Variants in HEBP1 observed in about 807,000 individuals in gnomAD.
HEBP1 encodes the protein heme binding protein 1.
Under a neutral mutation model 20.4 loss-of-function variants are expected in HEBP1, and 13 were observed. That is an observed-to-expected ratio of 0.64 (90% confidence interval 0.42 to 1.01). The LOEUF is 1.01. Among genes scored for constraint, HEBP1 ranks in the 50% least tolerant of loss-of-function variants. The pLI is 0.00. For synonymous variants in HEBP1, 92 were observed against 90.7 expected, an observed-to-expected ratio of 1.01 and a Z score of -0.08; for missense variants, 241 against 247.3, an observed-to-expected ratio of 0.97 and a Z score of 0.17.
In HEBP1 at chr12:12,985,253, T is replaced by A. The variant is rs549039800; in HGVS notation, c.398+1899A>T. Among the ~76,000 whole-genome samples the A allele has an allele frequency of 3.3e-3, 498 of 152,250 alleles. 4 individuals carry two copies. The highest frequency in any genetic ancestry group is 0.011 in the African/African-American group (476 of 41,544). On this transcript the variant is annotated intron_variant, in intron 3 of 3. Transcript: ENST00000014930. ...GAAAAAAGGTATTGTGATTATATTT[T>A]AAAAAAATCTTCAGTAATTACCTGA...
At chr12:12,989,511 T>C in intron 1 of HEBP1, 96 bp from the exon 2 acceptor site, 1 of 1,191,136 alleles carries the variant, frequency 8.4e-7, no homozygotes, top group Non-Finnish European at 1.2e-6. Flanking sequence ...CTTTCCTTGG[T>C]GGGTATGGCC....
rs1864163561 is a variant in HEBP1 at position 12,987,196 on chromosome 12, T to C, written c.354A>G (p.Lys118=). Residue 118 remains lysine (K), a synonymous_variant, in exon 3 of 4, where the codon AAA becomes AAG. Coordinates refer to ENST00000014930, the MANE Select transcript of HEBP1 (RefSeq NM_015987.5). ...CTTCCCGTTCCTCAATCTTAACGCTTTTGTCACTGGGAGCTGGTGGGTCGC... is the reference window on the plus strand; with the variant it reads ...CTTCCCGTTCCTCAATCTTAACGCTCTTGTCACTGGGAGCTGGTGGGTCGC... The part of the protein sequence containing the change: ...FQSDPPAPSD[K]SVKIEEREGI... 1 of 1,613,958 alleles carries C rather than the reference T, an allele frequency of 6.2e-7. No homozygotes were observed.
chr12:12,978,316 T>C (rs1440479185), intron 3 of HEBP1, among the ~76,000 whole-genome samples: 1 of 148,784 alleles, frequency 6.7e-6, no homozygotes, highest in African/African-American at 2.5e-5. Context: ...GTTCAAGTGA[T>C]TCTCCTGCCT....
At position 12,996,990 on chromosome 12, in the gene HEBP1, A is replaced by G. The variant is rs1864298583; in HGVS notation, c.78+3047T>C. Reference sequence around the variant, plus strand: ...AGATGAGCACTGATATAATGCTATTACTATATTTGTAGGGTATGTATACTA... The same window carrying G: ...AGATGAGCACTGATATAATGCTATTGCTATATTTGTAGGGTATGTATACTA... On this transcript the variant is annotated intron_variant, in intron 1 of 3. Transcript: ENST00000014930. The surrounding 1 kb of genome is among the most constrained non-coding windows in gnomAD (Gnocchi z 4.1). 6.6e-6 allele frequency among the ~76,000 whole-genome samples: 1 copy of G among 152,244 alleles called. No individual in the cohort carries two copies. The highest frequency in any genetic ancestry group is 1.5e-5 in the Non-Finnish European group (1 of 68,046).
chr12:12,975,290 C>A lies in HEBP1; in HGVS notation c.*18G>T, dbSNP rs200332108. On this transcript the variant is annotated 3_prime_UTR_variant, in exon 4 of 4. Transcript: ENST00000014930. ...CACAGAGGCACACTTCCAGTAAGTT[C>A]TTGGTTCAGTGGGTCACTCATGTCT... The A allele has an allele frequency of 1.2e-6, 2 of 1,611,818 alleles. No individual in the cohort carries two copies. Among genetic ancestry groups the A allele is most frequent in the Non-Finnish European group, 1.7e-6 (2 of 1,179,122 alleles).
intron 1 of HEBP1, among the ~76,000 whole-genome samples, chr12:12,997,143 C>G (rs566353607): frequency 6.6e-6 from 1 of 152,256 alleles, no homozygotes; most frequent in East Asian, 1.9e-4. Context: ...AAATGATTTG[C>G]TTTAGCCTGG....
chr12:12,977,339 A>G lies in HEBP1; in HGVS notation c.399-1860T>C, dbSNP rs369902329. The G allele has an allele frequency of 1.9e-3, 283 of 152,366 alleles. 2 individuals are homozygous for G. Among genetic ancestry groups the G allele is most frequent in the African/African-American group, 6.6e-3 (273 of 41,578 alleles). The allele number at this position is 152,366 out of a possible 1,614,324, so 9.4% of individuals were successfully genotyped here. Reference sequence around the variant, plus strand: ...AAGCTCACAACAAACAGTAGCTATTATTGTTACTTGGCAGTTTGCTCAGAA... The same window carrying G: ...AAGCTCACAACAAACAGTAGCTATTGTTGTTACTTGGCAGTTTGCTCAGAA... On this transcript the variant is annotated intron_variant, in intron 3 of 3. Coordinates refer to ENST00000014930, the MANE Select transcript of HEBP1 (RefSeq NM_015987.5).
chr12:12,997,423 A>C (rs1356791042), intron 1 of HEBP1, among the ~76,000 whole-genome samples: 1 of 152,170 alleles, frequency 6.6e-6, no homozygotes, highest in Non-Finnish European at 1.5e-5. Context: ...ACACAGAGGG[A>C]GAATTACCTG....
intron 3 of HEBP1, among the ~76,000 whole-genome samples, chr12:12,977,934 C>T (rs1006357262): frequency 1.6e-4 from 25 of 152,052 alleles, no homozygotes; most frequent in Non-Finnish European, 3.2e-4. Flanking sequence ...TATGTTGGAC[C>T]CCTTGGTTAA....
intron 3 of HEBP1, among the ~76,000 whole-genome samples, chr12:12,985,088 C>T (rs1472178552): frequency 6.6e-6 from 1 of 151,084 alleles, no homozygotes; most frequent in Admixed American, 6.6e-5. Flanking sequence ...GCAGAGGTTG[C>T]AGTGAGCCAA....
rs1864191796 is a variant in HEBP1, at chr12:12,989,421, G to A, written c.79-6C>T. The A allele has an allele frequency of 1.2e-6, 2 of 1,614,036 alleles. No homozygotes were observed. The stretch of plus-strand genomic sequence containing the variant: ...TCTTCATAGGCAACTTCTTCCTAGA[G>A]AGAGAGAAGGTACAGTGTTTAAGAG... On this transcript the variant is annotated splice_polypyrimidine_tract_variant and splice_region_variant and intron_variant, in intron 1 of 3. Coordinates refer to ENST00000014930, the MANE Select transcript of HEBP1 (RefSeq NM_015987.5).
chr12:12,990,678 CT>C (rs1053967795), intron 1 of HEBP1, among the ~76,000 whole-genome samples: 29 of 152,168 alleles, frequency 1.9e-4, no homozygotes, highest in African/African-American at 6.5e-4. Flanking sequence ...CCCTTCTTGC[CT>C]GGGGTCCAGT....
chr12:12,987,707 T>C (rs850924), intron 2 of HEBP1, among the ~76,000 whole-genome samples: 117,749 of 151,516 alleles, frequency 0.78, 47,870 homozygotes, highest in East Asian at 0.98. Flanking sequence ...CGGCTTACTG[T>C]AAACTCTGCC....
intron 3 of HEBP1, chr12:12,983,718 C>A (rs1864115591): frequency 2.2e-6 from 1 of 455,928 alleles, no homozygotes; most frequent in Non-Finnish European, 4.4e-6. Flanking sequence ...GGCTAGACAC[C>A]ACATTTGGCA....
At position 12,998,627 on chromosome 12, in the gene HEBP1, T is replaced by C. The variant is rs886330282; in HGVS notation, c.78+1410A>G. Reference sequence around the variant, plus strand: ...AACGGAGATAAGAACAGGTGAAAGGTCTTTGGTTGTCAAAGAGTTCAGATT... The same window carrying C: ...AACGGAGATAAGAACAGGTGAAAGGCCTTTGGTTGTCAAAGAGTTCAGATT... On this transcript the variant is annotated intron_variant, in intron 1 of 3. Transcript: ENST00000014930. This position sits in a 1 kb window ranked among gnomAD's most constrained non-coding sequence, Gnocchi z 4.2. 6.6e-6 allele frequency among the ~76,000 whole-genome samples: 1 copy of C among 152,194 alleles called. No individual in the cohort carries two copies. The highest frequency in any genetic ancestry group is 2.4e-5 in the African/African-American group (1 of 41,450).
Position 13,000,260 on chromosome 12 carries a change from G to C in HEBP1, c.-146C>G, listed in dbSNP as rs1048784142. ...TGGCAGGGCGGCAAGGCGGCGGGAC[G>C]GCGAGGCGGCGAGGCGAGAGGCGGG... On this transcript the variant is annotated 5_prime_UTR_variant, in exon 1 of 4. Transcript: ENST00000014930. 22 of 344,180 alleles carry C rather than the reference G, an allele frequency of 6.4e-5. No individual in the cohort carries two copies. Among genetic ancestry groups the C allele is most frequent in the Non-Finnish European group, 8.9e-5 (17 of 190,268 alleles). The allele number at this position is 344,180 out of a possible 1,614,324, so 21.3% of individuals were successfully genotyped here.
intron 3 of HEBP1, among the ~76,000 whole-genome samples, chr12:12,984,976 C>T (rs1280293845): frequency 6.6e-6 from 1 of 151,950 alleles, no homozygotes; most frequent in East Asian, 1.9e-4. Context: ...ATGGTGAAAC[C>T]CTGTCTCTAC....
intron 2 of HEBP1, 36 bp downstream of exon 2, chr12:12,989,241 C>T (rs1205583484): frequency 6.2e-7 from 1 of 1,610,412 alleles, no homozygotes; most frequent in Non-Finnish European, 8.5e-7. Context: ...AAAGCTGGTC[C>T]CCGAGACCAG....
At chr12:12,999,721 G>T (rs1183216302) in intron 1 of HEBP1, among the ~76,000 whole-genome samples, 2 of 152,204 alleles carry the variant, frequency 1.3e-5, no homozygotes, top group Non-Finnish European at 2.9e-5. Flanking sequence ...AAACTGTTCG[G>T]AATGTTTGGA....
Sources: gnomAD v4.1 joint callset for allele counts (sites outside exome capture counted in the v4.1 genomes callset) on GRCh38, gnomAD v4.1.1 for gene constraint, Gnocchi (gnomAD v3.1) non-coding constraint, MANE v1.5 for transcripts, NCBI Gene and HGNC (gene_info 2026-07-23, HGNC 2026-07-21) for gene names.